Variants in SNX24 observed in about 807,000 individuals in gnomAD.
SNX24 encodes sorting nexin 24.
In SNX24, 22 loss-of-function variants were observed where a neutral mutation model predicts 28.7. The observed-to-expected ratio is 0.77, with a 90% confidence interval of 0.55 to 1.10. The LOEUF (loss-of-function observed/expected upper bound fraction) is 1.10. Ranked by LOEUF, SNX24 falls within the 50% of genes least tolerant of loss-of-function variation. SNX24 has a pLI of 0.00. For synonymous variants in SNX24, 69 were observed against 71.5 expected, an observed-to-expected ratio of 0.96 and a Z score of 0.18; for missense variants, 221 against 201.1, an observed-to-expected ratio of 1.10 and a Z score of -0.60.
intron 1 of SNX24, among the ~76,000 whole-genome samples, chr5:122,900,041 A>G (rs1283958762): frequency 6.6e-6 from 1 of 151,762 alleles, no homozygotes; most frequent in Non-Finnish European, 1.5e-5. Context: ...GTTTTTTGAG[A>G]CAGGGTCTTG....
Position 122,932,614 on chromosome 5 carries a change from A to G in SNX24, c.61-4120A>G, listed in dbSNP as rs548949209. Among the ~76,000 whole-genome samples the G allele has an allele frequency of 5.9e-5, 9 of 152,348 alleles. No homozygotes were observed. In the East Asian group the frequency reaches 1.7e-3, roughly 29 times the overall value. On this transcript the variant is annotated intron_variant, in intron 1 of 6. Transcript: ENST00000261369. ...GCCGGGTGCAGTGGCTCACGCCTGT[A>G]ATCCCAGCACTTGGGGAGGCCTATG...
chr5:122,981,208 T>C (rs1237813980), intron 3 of SNX24, among the ~76,000 whole-genome samples: 3 of 152,222 alleles, frequency 2.0e-5, no homozygotes, highest in Non-Finnish European at 4.4e-5. Flanking sequence ...AAATTAGATA[T>C]ATTTAAAGTG....
At chr5:122,927,857 A>G (rs1758769426) in intron 1 of SNX24, among the ~76,000 whole-genome samples, 1 of 152,160 alleles carries the variant, frequency 6.6e-6, no homozygotes, top group Admixed American at 6.5e-5. Flanking sequence ...TCTAATGTGC[A>G]TCTCAAACTT....
chr5:122,881,646 T>A (rs1386891115), intron 1 of SNX24, among the ~76,000 whole-genome samples: 1 of 152,102 alleles, frequency 6.6e-6, no homozygotes, highest in African/African-American at 2.4e-5. Flanking sequence ...AGATTCCTCA[T>A]CTACTGAGTA....
chr5:122,845,728 A>G lies in SNX24; in HGVS notation c.60+35A>G, dbSNP rs867582087. 3.9e-6 allele frequency: 5 copies of G among 1,293,802 alleles called. 1 individual carries two copies. The highest frequency in any genetic ancestry group is 4.2e-4 in the Middle Eastern group (2 of 4,738). The allele number at this position is 1,293,802 out of a possible 1,614,324, so 80.1% of individuals were successfully genotyped here. Reference sequence around the variant, plus strand: ...GGCCGCGGGCGGACAGGGCCCCGCGAGCCAGGCCTGCGGCTGCTGCGCCCA... The same window carrying G: ...GGCCGCGGGCGGACAGGGCCCCGCGGGCCAGGCCTGCGGCTGCTGCGCCCA... On this transcript the variant is annotated intron_variant, in intron 1 of 6. Transcript: ENST00000261369.
chr5:122,975,243 T>G (rs1761119397), intron 3 of SNX24, among the ~76,000 whole-genome samples: 1 of 152,242 alleles, frequency 6.6e-6, no homozygotes, highest in South Asian at 2.1e-4. Flanking sequence ...CTCCCCACAG[T>G]GTCACCTAAC....
chr5:122,888,138 G>A (rs1003029793), intron 1 of SNX24, among the ~76,000 whole-genome samples: 3 of 152,108 alleles, frequency 2.0e-5, no homozygotes, highest in Non-Finnish European at 2.9e-5. Context: ...CAGATTAAGT[G>A]TTCTTTACAT....
intron 3 of SNX24, among the ~76,000 whole-genome samples, chr5:122,964,888 C>CTATA (rs1406727870): frequency 1.3e-5 from 2 of 152,076 alleles, no homozygotes; most frequent in Non-Finnish European, 2.9e-5. Context: ...CCATAATATC[C>CTATA]TATACTGTGG....
At chr5:122,969,111 G>A (rs974077453) in intron 3 of SNX24, among the ~76,000 whole-genome samples, 5 of 152,084 alleles carry the variant, frequency 3.3e-5, no homozygotes, top group Admixed American at 2.0e-4. Flanking sequence ...AGACTGTGTA[G>A]AACCTTTTTA....
chr5:123,028,864 C>T, intron 5 of SNX24: 2 of 1,604,140 alleles, frequency 1.2e-6, no homozygotes, highest in Non-Finnish European at 1.7e-6. Context: ...ATATCCATAT[C>T]CTTTCTAAAG....
chr5:122,945,721 TATTA>T (rs1363924340), intron 2 of SNX24, among the ~76,000 whole-genome samples: 1 of 152,234 alleles, frequency 6.6e-6, no homozygotes, highest in East Asian at 1.9e-4. Flanking sequence ...AATTTTGTTG[TATTA>T]ATTGATTTTT....
intron 3 of SNX24, among the ~76,000 whole-genome samples, chr5:122,982,174 C>T (rs554726011): frequency 6.6e-6 from 1 of 152,276 alleles, no homozygotes; most frequent in East Asian, 1.9e-4. Context: ...GGAAGGAGAA[C>T]CTCAATTTCT....
intron 1 of SNX24, among the ~76,000 whole-genome samples, chr5:122,895,612 C>T (rs1036192560): frequency 6.6e-5 from 10 of 152,148 alleles, no homozygotes; most frequent in South Asian, 4.1e-4. Flanking sequence ...TATCATCCCC[C>T]GCAGGGGACA....
At chr5:122,875,072 T>C (rs1756163943) in intron 1 of SNX24, among the ~76,000 whole-genome samples, 1 of 152,222 alleles carries the variant, frequency 6.6e-6, no homozygotes. Flanking sequence ...GCCCCTCTCC[T>C]GTTCTTATAC....
At chr5:123,002,617 G>T (rs1218184125) in intron 6 of SNX24, among the ~76,000 whole-genome samples, 1 of 152,186 alleles carries the variant, frequency 6.6e-6, no homozygotes, top group East Asian at 1.9e-4. Flanking sequence ...GGGCGACAGA[G>T]CGAGACTCCG....
chr5:123,020,318 G>A (rs1298436431), intron 5 of SNX24, among the ~76,000 whole-genome samples: 1 of 152,160 alleles, frequency 6.6e-6, no homozygotes, highest in Non-Finnish European at 1.5e-5. Context: ...TAAAACTATA[G>A]TTAAAAAATC....
At chr5:122,949,824 C>A (rs1759853501) in intron 3 of SNX24, among the ~76,000 whole-genome samples, 1 of 151,942 alleles carries the variant, frequency 6.6e-6, no homozygotes, top group African/African-American at 2.4e-5. Flanking sequence ...AACGAAAAAC[C>A]CTAGCTGAAT....
At chr5:122,954,938 A>G (rs1223222978) in intron 3 of SNX24, among the ~76,000 whole-genome samples, 1 of 152,020 alleles carries the variant, frequency 6.6e-6, no homozygotes, top group Admixed American at 6.6e-5. Context: ...TTTAGCCATT[A>G]TTTCACTGAG....
chr5:122,995,941 C>T (rs1006791207), intron 3 of SNX24, among the ~76,000 whole-genome samples: 1 of 152,120 alleles, frequency 6.6e-6, no homozygotes, highest in Admixed American at 6.5e-5. Context: ...GTACTCTAAC[C>T]CAGCAACGAT....
Sources: allele counts gnomAD v4.1 joint callset (sites outside exome capture counted in the v4.1 genomes callset), GRCh38; gene constraint gnomAD v4.1.1; transcripts MANE v1.5; gene names NCBI Gene and HGNC (gene_info 2026-07-23, HGNC 2026-07-21).